ATXN7L1: variants seen among roughly 807,000 people sequenced by gnomAD.
ATXN7L1 encodes ataxin 7 like 1.
A neutral mutation model predicts 70.8 loss-of-function variants in ATXN7L1; 15 were observed. The observed-to-expected ratio is 0.21, with a 90% CI of 0.14 to 0.33. The LOEUF (loss-of-function observed/expected upper bound fraction) is 0.33. ATXN7L1 is among the 10% of genes least tolerant of loss of function. The pLI, the probability that ATXN7L1 is intolerant of heterozygous loss-of-function variation, is 1.00. For missense variants in ATXN7L1, 975 were observed against 1,097.1 expected (o/e 0.89, Z 1.57); for synonymous variants, 440 against 445.1 (o/e 0.99, Z 0.14).
chr7:105,791,145 G>C lies in ATXN7L1; in HGVS notation c.251-2437C>G, dbSNP rs80219489. Reference sequence around the variant, plus strand: ...CTTGCCCTGAAGGAAGCCTATGATTGAAAGAGTGGACCAGGCCTGCCTGGA... The same window carrying C: ...CTTGCCCTGAAGGAAGCCTATGATTCAAAGAGTGGACCAGGCCTGCCTGGA... On this transcript the variant is annotated intron_variant, in intron 2 of 11. Transcript: ENST00000419735. 5.4e-3 allele frequency among the ~76,000 whole-genome samples: 830 copies of C among 152,370 alleles called. 7 individuals are homozygous for C. Among genetic ancestry groups the C allele is most frequent in the African/African-American group, 0.019 (781 of 41,592 alleles).
intron 4 of ATXN7L1, among the ~76,000 whole-genome samples, chr7:105,644,327 C>T (rs1798683965): frequency 6.6e-6 from 1 of 152,202 alleles, no homozygotes; most frequent in Non-Finnish European, 1.5e-5. Context: ...AATAGGATCC[C>T]AGCTGTTTGT....
chr7:105,808,291 C>A (rs951243267), intron 2 of ATXN7L1, among the ~76,000 whole-genome samples: 1 of 152,196 alleles, frequency 6.6e-6, no homozygotes, highest in Non-Finnish European at 1.5e-5. Context: ...GTGAGCCCTA[C>A]TGCAAAGACT....
At chr7:105,829,561 A>G (rs1197190404) in intron 2 of ATXN7L1, among the ~76,000 whole-genome samples, 1 of 152,226 alleles carries the variant, frequency 6.6e-6, no homozygotes, top group Non-Finnish European at 1.5e-5. Context: ...GGGCAATTTT[A>G]TGGTGATTTA....
At chr7:105,819,016 A>G (rs1809645827) in intron 2 of ATXN7L1, among the ~76,000 whole-genome samples, 1 of 151,762 alleles carries the variant, frequency 6.6e-6, no homozygotes, top group Non-Finnish European at 1.5e-5. Context: ...TATTTCTCCT[A>G]ATGCTATCCC....
chr7:105,772,176 C>T (rs1218018206), intron 3 of ATXN7L1, among the ~76,000 whole-genome samples: 2 of 146,848 alleles, frequency 1.4e-5, no homozygotes, highest in South Asian at 2.1e-4. Flanking sequence ...AGGGTTCAAG[C>T]GATTCTCCTG....
At chr7:105,684,945 C>T (rs576149896) in intron 3 of ATXN7L1, among the ~76,000 whole-genome samples, 9 of 152,136 alleles carry the variant, frequency 5.9e-5, no homozygotes, top group African/African-American at 1.9e-4. Context: ...TGATAGGCCT[C>T]CTCTTACTGT....
At position 105,665,231 on chromosome 7, in the gene ATXN7L1, T is replaced by A. The variant is rs745740493; in HGVS notation, c.413A>T (p.Asn138Ile). Residue 138 changes from asparagine to isoleucine, a missense_variant, in exon 4 of 12, where the codon AAT becomes ATT. Asn to Ile is a moderately radical substitution (Grantham distance 149). Coordinates refer to ENST00000419735, the MANE Select transcript of ATXN7L1 (RefSeq NM_020725.2). ...PSPSPVSPAS[N>I]PRTSLVQVKT... The stretch of plus-strand genomic sequence containing the variant: ...CACCTGTACTAGTGATGTCCTGGGA[T>A]TGGAGGCTGGAGACACTGGAGAGGG... 5 of 1,551,624 alleles carry A rather than the reference T, an allele frequency of 3.2e-6. No homozygotes were observed. The African/African-American group carries it at 5.5e-5, about 17-fold the overall frequency.
chr7:105,650,639 A>C (rs930878113), intron 4 of ATXN7L1, among the ~76,000 whole-genome samples: 4 of 152,236 alleles, frequency 2.6e-5, no homozygotes, highest in Admixed American at 2.6e-4. Context: ...GATACCATGC[A>C]GAGCTCGACA....
Position 105,670,710 on chromosome 7 carries a change from T to A in ATXN7L1, c.356-5422A>T, listed in dbSNP as rs897099393. Among the ~76,000 whole-genome samples, 6 of 151,240 alleles carry A rather than the reference T, an allele frequency of 4.0e-5. No individual in the cohort carries two copies. In the East Asian group the frequency reaches 5.9e-4, roughly 15 times the overall value. ...CGGGCGTGGTGGCTGACATCTGTAA[T>A]CCCAGCACTTTGGGAGGCCAAGGTG... On this transcript the variant is annotated intron_variant, in intron 3 of 11. Transcript: ENST00000419735.
At chr7:105,766,197 C>T (rs546329674) in intron 3 of ATXN7L1, among the ~76,000 whole-genome samples, 1 of 150,204 alleles carries the variant, frequency 6.7e-6, no homozygotes, top group African/African-American at 2.5e-5. Context: ...CTATTGCATC[C>T]TTGGACATAA....
At position 105,691,971 on chromosome 7, in the gene ATXN7L1, C is replaced by T. The variant is rs1299636565; in HGVS notation, c.356-26683G>A. Among the ~76,000 whole-genome samples the T allele has an allele frequency of 3.9e-5, 6 of 152,318 alleles. No individual in the cohort carries two copies. In the East Asian group the frequency reaches 7.7e-4, roughly 20 times the overall value. On this transcript the variant is annotated intron_variant, in intron 3 of 11. Transcript: ENST00000419735. Reference sequence around the variant, plus strand: ...AGCACAGAAAGCGAACCGGCTGCCTCGTGCGGGTGTTTTTGTTAACTGTTT... The same window carrying T: ...AGCACAGAAAGCGAACCGGCTGCCTTGTGCGGGTGTTTTTGTTAACTGTTT...
At chr7:105,620,055 G>T in intron 9 of ATXN7L1, 145 bp downstream of exon 9, 1 of 1,024,614 alleles carries the variant, frequency 9.8e-7, no homozygotes, top group Non-Finnish European at 1.4e-6. Context: ...AAGAAGAGCT[G>T]GTATTTAAGA....
chr7:105,797,073 C>T (rs1477169876), intron 2 of ATXN7L1, among the ~76,000 whole-genome samples: 2 of 152,222 alleles, frequency 1.3e-5, no homozygotes, highest in African/African-American at 4.8e-5. Flanking sequence ...AAGCAAGCAG[C>T]AGCGGTGAGC....
intron 5 of ATXN7L1, among the ~76,000 whole-genome samples, chr7:105,640,797 C>T (rs1029309903): frequency 1.3e-5 from 2 of 152,348 alleles, no homozygotes; most frequent in Admixed American, 6.5e-5. Flanking sequence ...TGGCCTGTGC[C>T]GTTTCTGGAA....
At chr7:105,866,884 AG>A (rs1173767393) in intron 2 of ATXN7L1, among the ~76,000 whole-genome samples, 1 of 152,182 alleles carries the variant, frequency 6.6e-6, no homozygotes, top group Non-Finnish European at 1.5e-5. Context: ...TGGGGTCCTT[AG>A]AGAAGAGGGA....
rs539193190 is a variant in ATXN7L1, at chr7:105,729,882, C to T, written c.355+58722G>A. On this transcript the variant is annotated intron_variant, in intron 3 of 11. Transcript: ENST00000419735. ...CCTCCCGAGTAGCTGGGACTACAGG[C>T]GCCTGCCACCACGCCCAGCTAATTT... is the stretch of plus-strand genomic sequence containing the variant. Among the ~76,000 whole-genome samples, 17 of 152,136 alleles carry T rather than the reference C, an allele frequency of 1.1e-4. No homozygotes were observed. In the South Asian group the frequency reaches 1.9e-3, roughly 17 times the overall value.
chr7:105,795,277 G>A (rs1339713643), intron 2 of ATXN7L1, among the ~76,000 whole-genome samples: 1 of 152,230 alleles, frequency 6.6e-6, no homozygotes, highest in Non-Finnish European at 1.5e-5. Context: ...CTGGCAGCAT[G>A]GGAGCAGCGT....
chr7:105,781,800 A>C (rs1803571411), intron 3 of ATXN7L1, among the ~76,000 whole-genome samples: 1 of 152,176 alleles, frequency 6.6e-6, no homozygotes, highest in African/African-American at 2.4e-5. Flanking sequence ...AACCTGCCCA[A>C]GGTCACACAG....
At chr7:105,774,570 C>G (rs1256319223) in intron 3 of ATXN7L1, among the ~76,000 whole-genome samples, 5 of 152,122 alleles carry the variant, frequency 3.3e-5, no homozygotes, top group Non-Finnish European at 7.4e-5. Flanking sequence ...CCAGGCTGGT[C>G]TCCAACTCCT....
Sources: gnomAD v4.1 joint callset for allele counts (sites outside exome capture counted in the v4.1 genomes callset) on GRCh38, gnomAD v4.1.1 for gene constraint, MANE v1.5 for transcripts, NCBI Gene and HGNC (gene_info 2026-07-23, HGNC 2026-07-21) for gene names.